Variants in MYO15A observed in about 807,000 individuals in gnomAD.
MYO15A encodes the protein myosin XVA.
Under a neutral mutation model 394.6 loss-of-function variants are expected in MYO15A, and 308 were observed. The ratio of observed to expected loss-of-function variants is 0.78; its 90% confidence interval spans 0.71 to 0.86. MYO15A has a LOEUF of 0.86. Among genes scored for constraint, MYO15A ranks in the 40% least tolerant of loss-of-function variants. The pLI is 0.00. For synonymous variants in MYO15A, 1,957 were observed against 2,003.8 expected, an observed-to-expected ratio of 0.98 and a Z score of 0.62; for missense variants, 4,606 against 4,799.1, an observed-to-expected ratio of 0.96 and a Z score of 1.19.
Position 18,121,660 on chromosome 17 carries a change from T to C in MYO15A, c.2860T>C (p.Ser954Pro), listed in dbSNP as rs746072825. 3.7e-6 allele frequency: 6 copies of C among 1,606,122 alleles called. No individual in the cohort carries two copies. The Admixed American group carries it at 5.0e-5, about 13-fold the overall frequency. The change falls in exon 2 of 66, where the codon TCC becomes CCC. Residue 954 changes from serine to proline, a missense_variant. Around this residue, in one of 2 missense-constraint regions of MYO15A, gnomAD observed 1,830 missense variants for 1,689.7 expected, o/e 1.08. Coordinates refer to ENST00000647165, the MANE Select transcript of MYO15A (RefSeq NM_016239.4). This position sits in a 1 kb window ranked among gnomAD's most constrained non-coding sequence, Gnocchi z 5.3. Reference sequence around the variant, plus strand: ...AGGTGCAGGCAGCCGCCGAGGCTTTTCCAGGCCACCCCCTGTGCCGGAAAA... The same window carrying C: ...AGGTGCAGGCAGCCGCCGAGGCTTTCCCAGGCCACCCCCTGTGCCGGAAAA... ...PGGAGSRRGF[S>P]RPPPVPENPF... is the part of the protein sequence containing the mutation.
Position 18,179,153 on chromosome 17 carries a change from G to A in MYO15A, c.*283G>A, listed in dbSNP as rs2142452125. On this transcript the variant is annotated 3_prime_UTR_variant, in exon 66 of 66. Transcript: ENST00000647165. ...AGAAGGCAGGACCATGAGGCCTCCT[G>A]CCATGTACCCATTGCAGACCCTGCC... 1.9e-6 allele frequency: 1 copy of A among 531,454 alleles called. No individual in the cohort carries two copies. The highest frequency in any genetic ancestry group is 3.3e-5 in the East Asian group (1 of 29,934). The allele number at this position is 531,454 out of a possible 1,614,324, so 32.9% of individuals were successfully genotyped here. A position where few individuals can be genotyped will look rare whatever the true frequency, so the allele number is the denominator to read the frequency against.
At position 18,147,824 on chromosome 17, in the gene MYO15A, C is replaced by T. The variant is rs1249006901; in HGVS notation, c.6510-205C>T. Among the ~76,000 whole-genome samples, 1 of 152,146 alleles carries T rather than the reference C, an allele frequency of 6.6e-6. No homozygotes were observed. Among genetic ancestry groups the T allele is most frequent in the Non-Finnish European group, 1.5e-5 (1 of 68,024 alleles). Reference sequence around the variant, plus strand: ...ATCTTTTGTAGGCTAGCCTGGGACCCCTTAAGTGCAGTCCCAGAGCACTGG... The same window carrying T: ...ATCTTTTGTAGGCTAGCCTGGGACCTCTTAAGTGCAGTCCCAGAGCACTGG... On this transcript the variant is annotated intron_variant, in intron 30 of 65. Transcript: ENST00000647165. This position sits in a 1 kb window ranked among gnomAD's most constrained non-coding sequence, Gnocchi z 4.4.
Position 18,142,736 on chromosome 17 carries a change from TCCCCACTA to T in MYO15A, c.5826-14_5826-7del, listed in dbSNP as rs770282057. 4.3e-6 allele frequency: 7 copies of T among 1,609,994 alleles called. No homozygotes were observed. Among genetic ancestry groups the T allele is most frequent in the Non-Finnish European group, 5.9e-6 (7 of 1,177,322 alleles). The stretch of plus-strand genomic sequence containing the variant: ...CACCCTGTGGCCCCAATCCCTGACC[TCCCCACTA>T]CCCCAACCCAGGCAACGCTATCAGC... On this transcript the variant is annotated splice_polypyrimidine_tract_variant and intron_variant, in intron 24 of 65. Transcript: ENST00000647165.
chr17:18,114,021 C>G (rs1382807889), intron 1 of MYO15A, among the ~76,000 whole-genome samples: 2 of 152,142 alleles, frequency 1.3e-5, no homozygotes, highest in Admixed American at 6.5e-5. Context: ...CAGCAATGAG[C>G]AGCTCTGTTT....
chr17:18,118,156 A>G (rs376338127), intron 1 of MYO15A, among the ~76,000 whole-genome samples: 20 of 152,080 alleles, frequency 1.3e-4, no homozygotes, highest in Non-Finnish European at 2.4e-4. Flanking sequence ...CACCCCATGT[A>G]TTATTCAGCT....
chr17:18,148,692 C>T lies in MYO15A; in HGVS notation c.6765-69C>T. On this transcript the variant is annotated intron_variant, in intron 32 of 65. Coordinates refer to ENST00000647165, the MANE Select transcript of MYO15A (RefSeq NM_016239.4). This position sits in a 1 kb window ranked among gnomAD's most constrained non-coding sequence, Gnocchi z 4.8. ...TCATGTTTAGGGTCTGGCTTATAAC[C>T]CAGGATCTCCCCAGGTAGTGCCTGA... 1 of 1,549,536 alleles carries T rather than the reference C, an allele frequency of 6.5e-7. No individual in the cohort carries two copies. The highest frequency in any genetic ancestry group is 8.7e-7 in the Non-Finnish European group (1 of 1,145,856).
rs988191189 is a variant in MYO15A, at chr17:18,166,631, G to A, written c.9948+110G>A. On this transcript the variant is annotated intron_variant, in intron 61 of 65. Transcript: ENST00000647165. ...GAAGTGTTCATGATTCAGGCCCTGT[G>A]GATGTCTCTAGCCCTGATGTCTCTG... 2.8e-6 allele frequency: 4 copies of A among 1,436,936 alleles called. No homozygotes were observed. The Admixed American group carries it at 7.2e-5, about 26-fold the overall frequency. 89.0% of individuals were successfully genotyped at this position (1,436,936 alleles called of 1,614,324 possible). A position where few individuals can be genotyped will look rare whatever the true frequency, so the allele number is the denominator to read the frequency against.
chr17:18,162,771 G>A (rs1017073669), intron 58 of MYO15A, 92 bp downstream of exon 58: 16 of 1,339,734 alleles, frequency 1.2e-5, no homozygotes, highest in South Asian at 8.5e-5. Flanking sequence ...AGGCTGAGGC[G>A]GGCAGATCAC....
chr17:18,146,121 G>A lies in MYO15A; in HGVS notation c.6509+14G>A, dbSNP rs781125623. The stretch of plus-strand genomic sequence containing the variant: ...GTACCTTCTCAAGTGAGTGGGACTG[G>A]ATAGGGGCTGGGACACGAGGGACGG... On this transcript the variant is annotated intron_variant, in intron 30 of 65. Transcript: ENST00000647165. 23 of 1,612,910 alleles carry A rather than the reference G, an allele frequency of 1.4e-5. No individual in the cohort carries two copies. The highest frequency in any genetic ancestry group is 2.0e-5 in the Non-Finnish European group (23 of 1,179,432).
intron 35 of MYO15A, chr17:18,149,784 C>A (rs2142365550): frequency 1.6e-6 from 1 of 639,262 alleles, no homozygotes; most frequent in Non-Finnish European, 2.8e-6. Flanking sequence ...CTGGAAGGAC[C>A]CACAGTTAGA....
chr17:18,143,205 A>C (rs1198157642), intron 25 of MYO15A, among the ~76,000 whole-genome samples: 1 of 152,226 alleles, frequency 6.6e-6, no homozygotes. Flanking sequence ...AGACAAATGC[A>C]GTTCCCAAAG....
chr17:18,156,880 A>G (rs2046683468), intron 48 of MYO15A, 74 bp from the exon 49 acceptor site: 10 of 1,287,176 alleles, frequency 7.8e-6, no homozygotes, highest in Non-Finnish European at 1.0e-5. Context: ...GGATGTGAGG[A>G]GCAGGGGTGG....
At position 18,120,660 on chromosome 17, in the gene MYO15A, G is replaced by C; in HGVS notation, c.1860G>C (p.Glu620Asp). ...FGYKLAGMDP[E>D]KPGTPIVLRR... ...ACAAGCTGGCTGGCATGGACCCCGA[G>C]AAGCCCGGCACGCCCATCGTGCTGA... Residue 620 changes from glutamate (E) to aspartate (D), a missense_variant, in exon 2 of 66, where the codon GAG becomes GAC. This residue lies in a region of MYO15A where 1,830 missense variants were observed against 1,689.7 expected (regional missense o/e 1.08). Transcript: ENST00000647165. The C allele has an allele frequency of 6.3e-7, 1 of 1,590,464 alleles. No homozygotes were observed. The highest frequency in any genetic ancestry group is 8.5e-7 in the Non-Finnish European group (1 of 1,172,988).
intron 43 of MYO15A, 64 bp from the exon 44 acceptor site, chr17:18,154,067 G>A: frequency 6.2e-7 from 1 of 1,608,532 alleles, no homozygotes; most frequent in Admixed American, 1.7e-5. Flanking sequence ...TAGGGGGCGG[G>A]GCCGGGTGTG....
chr17:18,158,716 A>C (rs2046727162), intron 52 of MYO15A, 78 bp downstream of exon 52: 24 of 1,535,948 alleles, frequency 1.6e-5, no homozygotes, highest in Non-Finnish European at 2.2e-5. Flanking sequence ...GCAGGCTGTC[A>C]GTCTCGGAGG....
At chr17:18,114,877 C>G (rs2045765434) in intron 1 of MYO15A, among the ~76,000 whole-genome samples, 1 of 152,112 alleles carries the variant, frequency 6.6e-6, no homozygotes, top group Non-Finnish European at 1.5e-5. Flanking sequence ...TCTCTTCCCT[C>G]TATACTCATT....
chr17:18,121,454 C>G lies in MYO15A; in HGVS notation c.2654C>G (p.Pro885Arg), dbSNP rs1042441455. The change falls in exon 2 of 66, where the codon CCG becomes CGG. Residue 885 changes from proline to arginine, a missense_variant. Coordinates refer to ENST00000647165, the MANE Select transcript of MYO15A (RefSeq NM_016239.4). This position sits in a 1 kb window ranked among gnomAD's most constrained non-coding sequence, Gnocchi z 5.3. ...LSEPPTRAVK[P>R]QVRLPFHRPP... ...GAGCCACCCACTCGGGCTGTGAAGC[C>G]GCAAGTGCGCCTGCCCTTCCACCGA... The G allele has an allele frequency of 1.3e-6, 2 of 1,548,674 alleles. No homozygotes were observed. The highest frequency in any genetic ancestry group is 2.7e-5 in the African/African-American group (2 of 73,028).
chr17:18,142,071 G>T lies in MYO15A; in HGVS notation c.5650-8G>T. On this transcript the variant is annotated splice_polypyrimidine_tract_variant and splice_region_variant and intron_variant, in intron 23 of 65. Coordinates refer to ENST00000647165, the MANE Select transcript of MYO15A (RefSeq NM_016239.4). ...CTATCTGCCTCAGTGCCTTCCTCCT[G>T]TCCTTAGCTGTTCCTTAAGGAACAC... is the stretch of plus-strand genomic sequence containing the variant. 2 of 1,611,922 alleles carry T rather than the reference G, an allele frequency of 1.2e-6. No homozygotes were observed. The highest frequency in any genetic ancestry group is 2.2e-5 in the South Asian group (2 of 91,078).
intron 56 of MYO15A, among the ~76,000 whole-genome samples, 158 bp downstream of exon 56, chr17:18,160,175 G>A (rs949484166): frequency 2.0e-5 from 3 of 152,154 alleles, no homozygotes; most frequent in South Asian, 4.1e-4. Flanking sequence ...GAATTACTTG[G>A]TCTGGAACAC....
Sources: gnomAD v4.1 joint callset for allele counts (sites outside exome capture counted in the v4.1 genomes callset) on GRCh38, gnomAD v4.1.1 for gene constraint, gnomAD v4.1.1 regional missense constraint, Gnocchi (gnomAD v3.1) non-coding constraint, MANE v1.5 for transcripts, NCBI Gene and HGNC (gene_info 2026-07-23, HGNC 2026-07-21) for gene names.